Variants in AP3S2 observed in about 807,000 individuals in gnomAD.
AP3S2 encodes the protein adaptor related protein complex 3 subunit sigma 2, also known as AP-3 complex subunit sigma-2.
A neutral mutation model predicts 23.4 loss-of-function variants in AP3S2; 22 were observed. The ratio of observed to expected loss-of-function variants is 0.94; its 90% CI spans 0.67 to 1.34. The LOEUF (loss-of-function observed/expected upper bound fraction) is 1.34. Among genes scored for constraint, AP3S2 ranks in the 40% most tolerant of loss-of-function variants. The probability of loss-of-function intolerance (pLI) is 0.00; values close to 1 mark genes in which losing one functional copy is unlikely to be tolerated. For missense variants in AP3S2, 241 were observed against 236.9 expected, an observed-to-expected ratio of 1.02 and a Z score of -0.11; for synonymous variants, 86 against 87.1, an observed-to-expected ratio of 0.99 and a Z score of 0.07.
Position 89,888,567 on chromosome 15 carries a change from C to T in AP3S2, c.227G>A (p.Cys76Tyr), listed in dbSNP as rs752842907. 6.2e-7 allele frequency: 1 copy of T among 1,614,182 alleles called. No individual in the cohort carries two copies. The highest frequency in any genetic ancestry group is 8.5e-7 in the Non-Finnish European group (1 of 1,180,040). Residue 76 changes from cysteine to tyrosine, a missense_variant, in exon 3 of 6, where the codon TGT becomes TAT. Cys to Tyr is a radical substitution (Grantham distance 194). Transcript: ENST00000336418. ...AAGTTCACTCTCTGAGGAATCCACACAAAATACAAAGTAGAGGGTAGCATA... is the reference window on the plus strand; with the variant it reads ...AAGTTCACTCTCTGAGGAATCCACATAAAATACAAAGTAGAGGGTAGCATA... ...RHYATLYFVF[C>Y]VDSSESELGI...
intron 4 of AP3S2, among the ~76,000 whole-genome samples, chr15:89,853,131 TCTC>T (rs1276147649): frequency 3.3e-5 from 5 of 152,146 alleles, no homozygotes; most frequent in African/African-American, 7.2e-5. Context: ...GGCATGTCCT[TCTC>T]CTTAAGAATC....
At chr15:89,876,053 G>A (rs185276180) in intron 3 of AP3S2, among the ~76,000 whole-genome samples, 171 of 152,274 alleles carry the variant, frequency 1.1e-3, no homozygotes, top group South Asian at 4.8e-3. Flanking sequence ...AGGCATCATC[G>A]TAGTAGAGGG....
At chr15:89,872,424 T>C (rs188367984) in intron 3 of AP3S2, among the ~76,000 whole-genome samples, 1 of 152,330 alleles carries the variant, frequency 6.6e-6, no homozygotes, top group African/African-American at 2.4e-5. Flanking sequence ...CTTTTAACTT[T>C]TAATAAAACA....
At chr15:89,872,310 C>T (rs576329370) in intron 3 of AP3S2, among the ~76,000 whole-genome samples, 2 of 151,926 alleles carry the variant, frequency 1.3e-5, no homozygotes, top group South Asian at 4.1e-4. Flanking sequence ...TTTTTTTGGT[C>T]AGTTATTTAG....
intron 3 of AP3S2, among the ~76,000 whole-genome samples, chr15:89,887,026 C>A (rs1233904367): frequency 2.6e-5 from 4 of 152,096 alleles, no homozygotes. Flanking sequence ...AAATTCCTGG[C>A]CTCAAGTGAT....
chr15:89,890,799 CAG>C (rs1651262079), intron 1 of AP3S2, among the ~76,000 whole-genome samples: 1 of 152,068 alleles, frequency 6.6e-6, no homozygotes, highest in African/African-American at 2.4e-5. Flanking sequence ...TTAAAAGAAA[CAG>C]AGAGGGGAAA....
At chr15:89,848,148 A>G (rs538149812) in intron 4 of AP3S2, among the ~76,000 whole-genome samples, 1 of 152,378 alleles carries the variant, frequency 6.6e-6, no homozygotes, top group South Asian at 2.1e-4. Flanking sequence ...TTGTGCTACA[A>G]AAGACAGAGG....
chr15:89,855,528 G>T (rs200005735), intron 4 of AP3S2, among the ~76,000 whole-genome samples: 4 of 112,576 alleles, frequency 3.6e-5, no homozygotes, highest in East Asian at 3.1e-4. Context: ...ATCAATAAAA[G>T]AATAAATTAA....
intron 3 of AP3S2, among the ~76,000 whole-genome samples, chr15:89,875,267 T>C (rs188488774): frequency 1.3e-5 from 2 of 152,194 alleles, no homozygotes; most frequent in Non-Finnish European, 1.5e-5. Context: ...ATTAAAGATG[T>C]TTCATGAAAC....
In AP3S2 at chr15:89,834,163, C is replaced by T. The variant is rs1895137961; in HGVS notation, c.*1352G>A. The T allele has an allele frequency of 6.6e-6, 1 of 152,298 alleles. No homozygotes were observed. The highest frequency in any genetic ancestry group is 2.4e-5 in the African/African-American group (1 of 41,442). 9.4% of individuals were successfully genotyped at this position (152,298 alleles called of 1,614,324 possible). A position where few individuals can be genotyped will look rare whatever the true frequency, so the allele number is the denominator to read the frequency against. ...GGGAGGGAGAAGAGGCAGCCCTGCT[C>T]CTAGTCGCAGCCAGCGTGCGTCATG... is the stretch of plus-strand genomic sequence containing the variant. On this transcript the variant is annotated 3_prime_UTR_variant, in exon 6 of 6. Coordinates refer to ENST00000336418, the MANE Select transcript of AP3S2 (RefSeq NM_005829.5).
intron 1 of AP3S2, among the ~76,000 whole-genome samples, chr15:89,890,678 G>A (rs549330924): frequency 1.3e-5 from 2 of 152,264 alleles, no homozygotes; most frequent in South Asian, 2.1e-4. Context: ...TTTGAGTAAC[G>A]AATCATAAGA....
At position 89,893,933 on chromosome 15, in the gene AP3S2, A is replaced by T. The variant is rs1328658303; in HGVS notation, c.17T>A (p.Leu6Gln). ...TGGCTTCCCATGGTTGTTGAAAACC[A>T]GAATCGCCTGAATCATCTTTGCCAG... The part of the protein sequence containing the change: MIQAI[L>Q]VFNNHGKPRL... Residue 6 changes from leucine to glutamine, a missense_variant, in exon 1 of 6, where the codon CTG becomes CAG. Transcript: ENST00000336418. 6.4e-7 allele frequency: 1 copy of T among 1,551,556 alleles called. No homozygotes were observed. The highest frequency in any genetic ancestry group is 2.4e-5 in the East Asian group (1 of 40,934).
chr15:89,872,517 C>CT (rs1190447793), intron 3 of AP3S2, among the ~76,000 whole-genome samples: 6 of 152,184 alleles, frequency 3.9e-5, no homozygotes, highest in Non-Finnish European at 8.8e-5. Flanking sequence ...ACCTAGGTAT[C>CT]TATCTATAAC....
At position 89,832,063 on chromosome 15, in the gene AP3S2, C is replaced by T. The variant is rs560823866; in HGVS notation, c.*3452G>A. 2 of 152,158 alleles carry T rather than the reference C, an allele frequency of 1.3e-5. No individual in the cohort carries two copies. Among genetic ancestry groups the T allele is most frequent in the African/African-American group, 2.4e-5 (1 of 41,416 alleles). The allele number at this position is 152,158 out of a possible 1,614,324, so 9.4% of individuals were successfully genotyped here. A position where few individuals can be genotyped will look rare whatever the true frequency, so the allele number is the denominator to read the frequency against. On this transcript the variant is annotated 3_prime_UTR_variant, in exon 6 of 6. Transcript: ENST00000336418. ...TTGTTTCTCTCTTAATCTTCAGAGC[C>T]TAGAACTGAGCTTGGCCCTCACCAG...
intron 4 of AP3S2, among the ~76,000 whole-genome samples, chr15:89,867,932 G>GC (rs1204225890): frequency 2.1e-5 from 3 of 146,260 alleles, no homozygotes; most frequent in East Asian, 2.1e-4. Flanking sequence ...GGGGGGGTCA[G>GC]CCCCCCACCC....
At chr15:89,837,107 T>C (rs1895212303) in intron 5 of AP3S2, among the ~76,000 whole-genome samples, 1 of 152,194 alleles carries the variant, frequency 6.6e-6, no homozygotes, top group Non-Finnish European at 1.5e-5. Context: ...CTGGGGTATG[T>C]TATTTTCAAG....
At chr15:89,882,716 T>C (rs1003152871) in intron 3 of AP3S2, among the ~76,000 whole-genome samples, 1 of 152,202 alleles carries the variant, frequency 6.6e-6, no homozygotes, top group Non-Finnish European at 1.5e-5. Flanking sequence ...AGAACTCTAT[T>C]ATTAGTTCCA....
intron 3 of AP3S2, chr15:89,878,441 T>A: frequency 4.3e-6 from 2 of 469,710 alleles, no homozygotes; most frequent in South Asian, 7.7e-5. Flanking sequence ...TGGACAAATA[T>A]CGTAGACATT....
intron 4 of AP3S2, among the ~76,000 whole-genome samples, chr15:89,858,523 G>GAGAGAGAGAGAGAAAGAAAGAA (rs1555446558): frequency 1.9e-5 from 1 of 53,698 alleles, no homozygotes; most frequent in Non-Finnish European, 3.8e-5. Flanking sequence ...GAGAGAGAGA[G>GAGAGAGAGAGAGAAAGAAAGAA]AGAAAGAAAG....
Sources: allele counts gnomAD v4.1 joint callset (sites outside exome capture counted in the v4.1 genomes callset), GRCh38; gene constraint gnomAD v4.1.1; transcripts MANE v1.5; gene names NCBI Gene and HGNC (gene_info 2026-07-23, HGNC 2026-07-21).